Variants in TOP2B observed in about 807,000 individuals in gnomAD.
TOP2B encodes the protein DNA topoisomerase II beta.
TOP2B carries 51 observed loss-of-function variants against 193.5 expected under a neutral mutation model. The ratio of observed to expected loss-of-function variants is 0.26; its 90% CI spans 0.21 to 0.33. The LOEUF is 0.33. Among genes scored for constraint, TOP2B ranks in the 10% least tolerant of loss-of-function variants. The probability of loss-of-function intolerance (pLI) is 1.00; values close to 1 mark genes in which losing one functional copy is unlikely to be tolerated. For missense variants in TOP2B, 1,378 were observed against 1,909.3 expected (o/e 0.72, Z 5.19); for synonymous variants, 634 against 635.7 (o/e 1.00, Z 0.04).
At chr3:25,600,425 C>T (rs912077989) in intron 34 of TOP2B, among the ~76,000 whole-genome samples, 1 of 152,090 alleles carries the variant, frequency 6.6e-6, no homozygotes, top group Non-Finnish European at 1.5e-5. Flanking sequence ...TACTACTTTC[C>T]CAGTCACTGT....
intron 34 of TOP2B, among the ~76,000 whole-genome samples, chr3:25,600,491 C>G (rs531631928): frequency 6.6e-6 from 1 of 152,186 alleles, no homozygotes; most frequent in Non-Finnish European, 1.5e-5. Context: ...CTCCTTATCC[C>G]AACCACTCCT....
At position 25,664,879 on chromosome 3, in the gene TOP2B, C is replaced by G. The variant is rs893764488; in HGVS notation, c.-582G>C. 2 of 991,690 alleles carry G rather than the reference C, an allele frequency of 2.0e-6. No homozygotes were observed. Among genetic ancestry groups the G allele is most frequent in the Non-Finnish European group, 2.4e-6 (2 of 833,184 alleles). The allele number at this position is 991,690 out of a possible 1,614,324, so 61.4% of individuals were successfully genotyped here. On this transcript the variant is annotated 5_prime_UTR_variant, in exon 1 of 36. Transcript: ENST00000264331. ...CCGCCGCCGCCGCCACGGTCACCTC[C>G]CTCTTGTCCGGCATAACACCGCACA...
At chr3:25,620,569 GA>G (rs1702632548) in intron 22 of TOP2B, 112 bp downstream of exon 22, 5 of 1,135,182 alleles carry the variant, frequency 4.4e-6, no homozygotes, top group African/African-American at 1.6e-5. Flanking sequence ...GAAGGTACAG[GA>G]ATTTTTTAAC....
At chr3:25,620,158 G>T in intron 22 of TOP2B, 96 bp from the exon 23 acceptor site, 2 of 822,398 alleles carry the variant, frequency 2.4e-6, no homozygotes, top group Non-Finnish European at 3.7e-6. Context: ...AACTCTCATG[G>T]GGAATTAAAA....
Position 25,645,290 on chromosome 3 carries a change from C to T in TOP2B, c.240+10G>A, listed in dbSNP as rs2125396962. On this transcript the variant is annotated intron_variant, in intron 2 of 35. Transcript: ENST00000264331. Reference sequence around the variant, plus strand: ...ATCTCCTAATTTCAATCAATTTTAGCAATAATTACCTGCGTCAATGGCTCC... The same window carrying T: ...ATCTCCTAATTTCAATCAATTTTAGTAATAATTACCTGCGTCAATGGCTCC... The T allele has an allele frequency of 6.6e-7, 1 of 1,515,414 alleles. No individual in the cohort carries two copies. The highest frequency in any genetic ancestry group is 1.4e-5 in the African/African-American group (1 of 71,656). 93.9% of individuals were successfully genotyped at this position (1,515,414 alleles called of 1,614,324 possible).
chr3:25,660,801 T>C (rs1703887917), intron 1 of TOP2B, among the ~76,000 whole-genome samples: 1 of 152,160 alleles, frequency 6.6e-6, no homozygotes, highest in African/African-American at 2.4e-5. Context: ...ATATTCACAC[T>C]CCAAAAATAT....
chr3:25,611,640 T>G (rs1299493153), intron 28 of TOP2B, among the ~76,000 whole-genome samples: 1 of 152,118 alleles, frequency 6.6e-6, no homozygotes, highest in Non-Finnish European at 1.5e-5. Context: ...GTTTCCTTCT[T>G]CCGGCTAACT....
chr3:25,654,435 T>C (rs1703687725), intron 1 of TOP2B, among the ~76,000 whole-genome samples: 1 of 152,048 alleles, frequency 6.6e-6, no homozygotes, highest in African/African-American at 2.4e-5. Context: ...GAAAAAAAGA[T>C]ACCAATAAAT....
At chr3:25,601,533 C>T (rs763716560) in intron 33 of TOP2B, among the ~76,000 whole-genome samples, 1 of 152,102 alleles carries the variant, frequency 6.6e-6, no homozygotes, top group Non-Finnish European at 1.5e-5. Context: ...GCAGGACAAT[C>T]GCTTGAACCC....
intron 1 of TOP2B, among the ~76,000 whole-genome samples, chr3:25,648,404 T>A (rs1703474522): frequency 6.6e-6 from 1 of 152,024 alleles, no homozygotes; most frequent in Non-Finnish European, 1.5e-5. Context: ...ATTTGTGAGG[T>A]CTCAGGATTC....
chr3:25,634,145 G>C, intron 7 of TOP2B, 131 bp from the exon 8 acceptor site: 1 of 650,950 alleles, frequency 1.5e-6, no homozygotes, highest in Non-Finnish European at 2.5e-6. Flanking sequence ...CCAAACCTTA[G>C]TGGCATTTCC....
At chr3:25,637,339 T>G in intron 5 of TOP2B, 27 bp from the exon 6 acceptor site, 1 of 1,498,350 alleles carries the variant, frequency 6.7e-7, no homozygotes. Flanking sequence ...ATGTAAAAGG[T>G]TTAGTAAAAA....
intron 32 of TOP2B, 92 bp downstream of exon 32, chr3:25,605,951 G>T: frequency 1.5e-6 from 1 of 678,926 alleles, no homozygotes; most frequent in Non-Finnish European, 2.2e-6. Flanking sequence ...AAATTCTGAA[G>T]TTAAATCATG....
At chr3:25,614,513 T>C (rs1702456608) in intron 27 of TOP2B, among the ~76,000 whole-genome samples, 1 of 152,068 alleles carries the variant, frequency 6.6e-6, no homozygotes, top group South Asian at 2.1e-4. Flanking sequence ...AAATTCTAAA[T>C]TCTTTTAGGC....
chr3:25,625,893 T>A (rs1273780680), intron 18 of TOP2B, among the ~76,000 whole-genome samples: 1 of 152,230 alleles, frequency 6.6e-6, no homozygotes, highest in Non-Finnish European at 1.5e-5. Flanking sequence ...TACATAATAA[T>A]TGGTATAGAA....
chr3:25,607,490 A>T, intron 30 of TOP2B, 115 bp from the exon 31 acceptor site: 1 of 1,298,112 alleles, frequency 7.7e-7, no homozygotes, highest in South Asian at 1.6e-5. Context: ...AAATACCATA[A>T]GAAATAAAAG....
At chr3:25,652,769 C>A (rs932403997) in intron 1 of TOP2B, among the ~76,000 whole-genome samples, 1 of 150,710 alleles carries the variant, frequency 6.6e-6, no homozygotes, top group East Asian at 2.0e-4. Context: ...GAAACTAAAC[C>A]AAATTAATGA....
chr3:25,649,624 C>T (rs1282368468), intron 1 of TOP2B, among the ~76,000 whole-genome samples: 4 of 133,660 alleles, frequency 3.0e-5, no homozygotes, highest in Admixed American at 1.5e-4. Flanking sequence ...AAAAAAAAAA[C>T]ACTGCCAACC....
intron 4 of TOP2B, among the ~76,000 whole-genome samples, chr3:25,639,924 CA>C (rs971045026): frequency 6.6e-6 from 1 of 152,150 alleles, no homozygotes; most frequent in African/African-American, 2.4e-5. Flanking sequence ...CTCCTCCACA[CA>C]AGAAGTTTAT....
Sources: allele counts gnomAD v4.1 joint callset (sites outside exome capture counted in the v4.1 genomes callset), GRCh38; gene constraint gnomAD v4.1.1; transcripts MANE v1.5; gene names NCBI Gene and HGNC (gene_info 2026-07-23, HGNC 2026-07-21).